AGBL4: variants seen among roughly 807,000 people sequenced by gnomAD.
AGBL4 encodes AGBL carboxypeptidase 4.
A neutral mutation model predicts 66.4 loss-of-function variants in AGBL4; 58 were observed. The ratio of observed to expected loss-of-function variants is 0.87; its 90% CI spans 0.71 to 1.09. The LOEUF is 1.09. AGBL4 is among the 50% of genes least tolerant of loss of function. The pLI is 0.00. For synonymous variants in AGBL4, 234 were observed against 222.9 expected, an observed-to-expected ratio of 1.05 and a Z score of -0.44; for missense variants, 579 against 631.0, an observed-to-expected ratio of 0.92 and a Z score of 0.88.
At chr1:49,021,580 G>T (rs1319504057) in intron 5 of AGBL4, among the ~76,000 whole-genome samples, 1 of 152,110 alleles carries the variant, frequency 6.6e-6, no homozygotes, top group Non-Finnish European at 1.5e-5. Context: ...GCTCTTAAAA[G>T]AAGCCAACTA....
intron 2 of AGBL4, among the ~76,000 whole-genome samples, chr1:49,761,983 G>A (rs1425978132): frequency 6.6e-6 from 1 of 151,922 alleles, no homozygotes; most frequent in Non-Finnish European, 1.5e-5. Flanking sequence ...ATCTATTATT[G>A]CATACTTGGG....
chr1:49,139,678 G>C (rs1270739827), intron 4 of AGBL4, among the ~76,000 whole-genome samples: 2 of 152,138 alleles, frequency 1.3e-5, no homozygotes, highest in Non-Finnish European at 2.9e-5. Context: ...GTGAACAAAT[G>C]GATGGATGAA....
intron 2 of AGBL4, among the ~76,000 whole-genome samples, chr1:49,735,134 C>T (rs1019108096): frequency 3.3e-5 from 5 of 152,058 alleles, no homozygotes; most frequent in African/African-American, 4.8e-5. Context: ...CAAAAGTCCA[C>T]GTTCTAATCC....
Position 48,842,964 on chromosome 1 carries a change from A to C in AGBL4, c.634+24227T>G, listed in dbSNP as rs552315332. On this transcript the variant is annotated intron_variant, in intron 6 of 13. Transcript: ENST00000371839. Reference sequence around the variant, plus strand: ...AATTCCACTCACATGAGATATTTACAGTAGTCAAATTCATAGACACAGAAA... The same window carrying C: ...AATTCCACTCACATGAGATATTTACCGTAGTCAAATTCATAGACACAGAAA... 3.9e-5 allele frequency among the ~76,000 whole-genome samples: 6 copies of C among 152,312 alleles called. No individual in the cohort carries two copies. The South Asian group carries it at 8.3e-4, about 21-fold the overall frequency.
chr1:49,479,838 G>T (rs1014201928), intron 3 of AGBL4, among the ~76,000 whole-genome samples: 23 of 151,556 alleles, frequency 1.5e-4, no homozygotes, highest in Admixed American at 1.4e-3. Flanking sequence ...AGTGGGAGTG[G>T]CTGGGACTAC....
intron 5 of AGBL4, among the ~76,000 whole-genome samples, chr1:48,967,996 GT>G (rs781673479): frequency 6.6e-6 from 1 of 151,888 alleles, no homozygotes; most frequent in Non-Finnish European, 1.5e-5. Context: ...GTTTCTTTTT[GT>G]TTGTTTTCTT....
At chr1:49,292,219 C>A (rs1419432523) in intron 3 of AGBL4, among the ~76,000 whole-genome samples, 2 of 152,176 alleles carry the variant, frequency 1.3e-5, no homozygotes, top group African/African-American at 4.8e-5. Flanking sequence ...CTTTGGGCAC[C>A]AACAAGCATA....
chr1:48,701,565 G>C lies in AGBL4; in HGVS notation c.635-38324C>G, dbSNP rs2148506457. ...ATGGCGCACTGCAGCCTCAGCCTCT[G>C]AGTAACTGGAGCTACAGGCACACAC... On this transcript the variant is annotated intron_variant, in intron 6 of 13. Transcript: ENST00000371839. 1.3e-5 allele frequency among the ~76,000 whole-genome samples: 2 copies of C among 152,142 alleles called. 1 individual carries two copies. Among genetic ancestry groups the C allele is most frequent in the Middle Eastern group, 6.8e-3 (2 of 294 alleles).
chr1:48,841,183 TGTG>T (rs1292993018), intron 6 of AGBL4, among the ~76,000 whole-genome samples: 1 of 152,114 alleles, frequency 6.6e-6, no homozygotes, highest in African/African-American at 2.4e-5. Context: ...GTATCCTGGT[TGTG>T]GTGGCAGTTA....
intron 6 of AGBL4, among the ~76,000 whole-genome samples, chr1:48,790,706 T>C (rs1312522165): frequency 2.0e-5 from 3 of 152,044 alleles, no homozygotes; most frequent in Non-Finnish European, 4.4e-5. Context: ...TAAGAGGTGA[T>C]TAGATCATAA....
intron 4 of AGBL4, among the ~76,000 whole-genome samples, chr1:49,057,736 G>C (rs192289252): frequency 2.0e-5 from 3 of 151,832 alleles, no homozygotes; most frequent in Admixed American, 2.0e-4. Flanking sequence ...ATGCATGTGT[G>C]GTGCTTGTTT....
chr1:49,440,262 G>A (rs956034340), intron 3 of AGBL4, among the ~76,000 whole-genome samples: 9 of 151,942 alleles, frequency 5.9e-5, no homozygotes, highest in Non-Finnish European at 8.8e-5. Context: ...TAGAGACAGG[G>A]TTTCACTGTG....
chr1:49,824,924 T>C (rs998317938), intron 2 of AGBL4, among the ~76,000 whole-genome samples: 1 of 152,210 alleles, frequency 6.6e-6, no homozygotes, highest in Non-Finnish European at 1.5e-5. Flanking sequence ...CTCTTCTGAA[T>C]CTGAGCTATT....
chr1:48,591,099 CACA>C (rs1644912774), intron 9 of AGBL4, 114 bp from the exon 10 acceptor site: 17 of 706,140 alleles, frequency 2.4e-5, no homozygotes, highest in Non-Finnish European at 3.4e-5. Context: ...CACCCCCCCC[CACA>C]CACACACACA....
chr1:49,044,157 A>G (rs1173684054), intron 5 of AGBL4, among the ~76,000 whole-genome samples: 1 of 152,148 alleles, frequency 6.6e-6, no homozygotes, highest in Non-Finnish European at 1.5e-5. Context: ...TGAATCCACT[A>G]TGAAGAACAA....
chr1:49,259,086 C>A (rs1356600371), intron 3 of AGBL4, among the ~76,000 whole-genome samples: 4 of 151,952 alleles, frequency 2.6e-5, no homozygotes, highest in African/African-American at 9.7e-5. Flanking sequence ...AAATAAAATA[C>A]CTTACAGACA....
chr1:49,781,387 C>T (rs763227188), intron 2 of AGBL4, among the ~76,000 whole-genome samples: 1 of 151,890 alleles, frequency 6.6e-6, no homozygotes, highest in African/African-American at 2.4e-5. Context: ...CAGAGCAAGA[C>T]CCTGTCTCTT....
At chr1:48,655,548 A>G (rs778609313) in intron 7 of AGBL4, among the ~76,000 whole-genome samples, 3 of 152,318 alleles carry the variant, frequency 2.0e-5, no homozygotes, top group Non-Finnish European at 4.4e-5. Flanking sequence ...TCTCATCTTG[A>G]TATAGGGATA....
chr1:49,099,371 TA>T (rs1239388983), intron 4 of AGBL4, among the ~76,000 whole-genome samples: 1 of 152,180 alleles, frequency 6.6e-6, no homozygotes, highest in Non-Finnish European at 1.5e-5. Flanking sequence ...TGCATAATTG[TA>T]AAAAGTCATG....
Sources: allele counts gnomAD v4.1 joint callset (sites outside exome capture counted in the v4.1 genomes callset), GRCh38; gene constraint gnomAD v4.1.1; transcripts MANE v1.5; gene names NCBI Gene and HGNC (gene_info 2026-07-23, HGNC 2026-07-21).